Variants in HNF4G observed in about 807,000 individuals in gnomAD.
HNF4G encodes hepatocyte nuclear factor 4 gamma, also known as hepatocyte nuclear factor 4-gamma.
A neutral mutation model predicts 50.9 loss-of-function variants in HNF4G; 21 were observed. That is an observed-to-expected ratio of 0.41 (90% CI 0.29 to 0.59). HNF4G has a LOEUF of 0.59. HNF4G is among the 20% of genes least tolerant of loss of function. The probability of loss-of-function intolerance (pLI) is 0.26; values close to 1 mark genes in which losing one functional copy is unlikely to be tolerated. For synonymous variants in HNF4G, 198 were observed against 185.6 expected (o/e 1.07, Z -0.54); for missense variants, 527 against 559.4 (o/e 0.94, Z 0.58).
At chr8:75,491,462 A>G (rs1404186772) in intron 2 of HNF4G, among the ~76,000 whole-genome samples, 1 of 151,958 alleles carries the variant, frequency 6.6e-6, no homozygotes, top group Non-Finnish European at 1.5e-5. Flanking sequence ...AATCACTATA[A>G]TTCTTTTTCT....
intron 2 of HNF4G, among the ~76,000 whole-genome samples, chr8:75,509,094 A>G (rs1283839675): frequency 1.3e-5 from 2 of 152,146 alleles, no homozygotes; most frequent in African/African-American, 4.8e-5. Context: ...ATAGGACTCC[A>G]CTCATTTACA....
At chr8:75,529,764 T>C (rs940038353) in intron 2 of HNF4G, among the ~76,000 whole-genome samples, 3 of 152,212 alleles carry the variant, frequency 2.0e-5, no homozygotes, top group Non-Finnish European at 2.9e-5. Flanking sequence ...TTGAATTATT[T>C]AGGCATACTC....
chr8:75,446,791 CA>C (rs1585850371), intron 1 of HNF4G, among the ~76,000 whole-genome samples: 1 of 116,368 alleles, frequency 8.6e-6, no homozygotes, highest in East Asian at 2.6e-4. Context: ...AGGATACAAA[CA>C]AATGGAAGAA....
At chr8:75,427,033 GTT>G (rs1427916748) in intron 1 of HNF4G, among the ~76,000 whole-genome samples, 1 of 152,090 alleles carries the variant, frequency 6.6e-6, no homozygotes, top group Non-Finnish European at 1.5e-5. Flanking sequence ...TTTGAAAAAA[GTT>G]TTAGTTAATG....
At chr8:75,428,419 T>C (rs946271157) in intron 1 of HNF4G, among the ~76,000 whole-genome samples, 4 of 152,324 alleles carry the variant, frequency 2.6e-5, no homozygotes, top group Middle Eastern at 3.4e-3. Context: ...GGTAATATCC[T>C]TGTATTTATG....
At position 75,485,655 on chromosome 8, in the gene HNF4G, C is replaced by G. The variant is rs556928919; in HGVS notation, c.-143-4434C>G. 1.9e-4 allele frequency: 29 copies of G among 152,252 alleles called. No homozygotes were observed. The South Asian group carries it at 6.0e-3, about 32-fold the overall frequency. The allele number at this position is 152,252 out of a possible 1,614,324, so 9.4% of individuals were successfully genotyped here. A position where few individuals can be genotyped will look rare whatever the true frequency, so the allele number is the denominator to read the frequency against. On this transcript the variant is annotated intron_variant, in intron 1 of 10. Coordinates refer to the HNF4G transcript ENST00000354370. ...AGATACCTAATTTATTTATTTCAAA[C>G]TTCAATATTTAAGATAAACTTGCCT...
At chr8:75,489,690 A>C (rs539227220) in intron 1 of HNF4G, among the ~76,000 whole-genome samples, 65 of 152,230 alleles carry the variant, frequency 4.3e-4, no homozygotes, top group Non-Finnish European at 8.4e-4. Context: ...ACAGGTGCAA[A>C]CTAAAAGGGA....
At chr8:75,525,398 G>A (rs527305709) in intron 2 of HNF4G, among the ~76,000 whole-genome samples, 3 of 152,190 alleles carry the variant, frequency 2.0e-5, no homozygotes, top group Non-Finnish European at 2.9e-5. Context: ...TCGATCTCTT[G>A]ACCTCATGAT....
chr8:75,433,817 A>C lies in HNF4G; in HGVS notation c.-144+25655A>C, dbSNP rs895173242. 2.0e-5 allele frequency among the ~76,000 whole-genome samples: 3 copies of C among 152,146 alleles called. No individual in the cohort carries two copies. In the East Asian group the frequency reaches 5.8e-4, roughly 29 times the overall value. ...GAAACTTTAACACAACTGTATCAGC[A>C]ATTCTAATATTGACCAGCCAAAAAA... On this transcript the variant is annotated intron_variant, in intron 1 of 10. Coordinates refer to the HNF4G transcript ENST00000354370.
intron 1 of HNF4G, among the ~76,000 whole-genome samples, chr8:75,463,625 T>A (rs972599000): frequency 6.6e-6 from 1 of 152,154 alleles, no homozygotes; most frequent in African/African-American, 2.4e-5. Flanking sequence ...TCTATACTCT[T>A]CACTTTCCAG....
intron 8 of HNF4G, among the ~76,000 whole-genome samples, chr8:75,559,863 A>G (rs933279920): frequency 6.6e-6 from 1 of 152,218 alleles, no homozygotes; most frequent in Non-Finnish European, 1.5e-5. Context: ...CATTGTTGCA[A>G]TACATGTCAG....
rs566726585 is a variant in HNF4G, at chr8:75,461,267, TC to T, written c.-143-28821del. Among the ~76,000 whole-genome samples the T allele has an allele frequency of 3.5e-3, 530 of 152,116 alleles. 2 individuals carry two copies. The highest frequency in any genetic ancestry group is 5.6e-3 in the Non-Finnish European group (380 of 68,002). ...CATTCCTCTGAAGAAGCCAGGAAAA[TC>T]TTTTTCCTTCCCTTTTTTAGCTTCC... is the stretch of plus-strand genomic sequence containing the variant. On this transcript the variant is annotated intron_variant, in intron 1 of 10. Coordinates refer to the HNF4G transcript ENST00000354370.
intron 2 of HNF4G, among the ~76,000 whole-genome samples, chr8:75,515,199 C>T (rs972429164): frequency 5.9e-5 from 9 of 152,220 alleles, no homozygotes; most frequent in African/African-American, 2.2e-4. Flanking sequence ...AATTTATAAG[C>T]TGTTTGTCTT....
intron 5 of HNF4G, among the ~76,000 whole-genome samples, chr8:75,555,403 C>T (rs534634688): frequency 6.6e-6 from 1 of 152,252 alleles, no homozygotes; most frequent in South Asian, 2.1e-4. Flanking sequence ...GAATGAAGCT[C>T]AGTTGAGAGC....
chr8:75,427,192 T>C (rs957327423), intron 1 of HNF4G, among the ~76,000 whole-genome samples: 1 of 152,222 alleles, frequency 6.6e-6, no homozygotes, highest in Non-Finnish European at 1.5e-5. Context: ...TTTGAATGCA[T>C]GTTACCTTGT....
At chr8:75,451,147 G>A (rs1007657757) in intron 1 of HNF4G, among the ~76,000 whole-genome samples, 1 of 151,832 alleles carries the variant, frequency 6.6e-6, no homozygotes, top group Non-Finnish European at 1.5e-5. Context: ...TTTGAGAAAT[G>A]TCTATTCTGG....
intron 1 of HNF4G, among the ~76,000 whole-genome samples, chr8:75,480,502 G>A (rs373971089): frequency 1.1e-4 from 17 of 152,260 alleles, no homozygotes; most frequent in African/African-American, 3.4e-4. Flanking sequence ...TTCAGGCGGA[G>A]GTGAAGTAAG....
intron 1 of HNF4G, among the ~76,000 whole-genome samples, chr8:75,420,082 A>AT (rs572177821): frequency 2.1e-4 from 32 of 151,988 alleles, no homozygotes; most frequent in Non-Finnish European, 4.6e-4. Flanking sequence ...AAAACTCCCA[A>AT]TTTTTTGCTT....
chr8:75,434,168 T>C (rs868466067), intron 1 of HNF4G, among the ~76,000 whole-genome samples: 1 of 152,014 alleles, frequency 6.6e-6, no homozygotes, highest in South Asian at 2.1e-4. Context: ...CCCACCCGGC[T>C]AATTTTTGTA....
Sources: allele counts gnomAD v4.1 joint callset (sites outside exome capture counted in the v4.1 genomes callset), GRCh38; gene constraint gnomAD v4.1.1; transcripts MANE v1.5; gene names NCBI Gene and HGNC (gene_info 2026-07-23, HGNC 2026-07-21).